The following DDAH1 variants were observed in gnomAD, a reference collection of about 807,000 sequenced individuals.
DDAH1 encodes dimethylarginine dimethylaminohydrolase 1.
In DDAH1, 19 loss-of-function variants were observed where a neutral mutation model predicts 28.8. That is an observed-to-expected ratio of 0.66 (90% CI 0.46 to 0.97). The LOEUF is 0.97. Among genes scored for constraint, DDAH1 ranks in the 50% least tolerant of loss-of-function variants. DDAH1 has a pLI of 0.00. For missense variants in DDAH1, 326 were observed against 375.9 expected (o/e 0.87, Z 1.10); for synonymous variants, 153 against 154.4 (o/e 0.99, Z 0.07).
At chr1:85,355,201 T>A (rs1649429915) in intron 2 of DDAH1, among the ~76,000 whole-genome samples, 1 of 151,968 alleles carries the variant, frequency 6.6e-6, no homozygotes, top group Non-Finnish European at 1.5e-5. Flanking sequence ...CTCAGGAAAA[T>A]CTAAATTGTC....
At chr1:85,472,639 T>C (rs1655654427) in intron 2 of DDAH1, among the ~76,000 whole-genome samples, 1 of 152,220 alleles carries the variant, frequency 6.6e-6, no homozygotes, top group South Asian at 2.1e-4. Flanking sequence ...AAATATCCTG[T>C]AAAGTTCAAA....
intron 1 of DDAH1, among the ~76,000 whole-genome samples, chr1:85,527,912 C>T (rs117021403): frequency 0.036 from 5,502 of 152,030 alleles, 156 homozygotes; most frequent in South Asian, 0.1. Flanking sequence ...TATGCATGTA[C>T]GTATACACAT....
chr1:85,361,039 A>G (rs975064645), intron 1 of DDAH1, among the ~76,000 whole-genome samples: 2 of 152,228 alleles, frequency 1.3e-5, no homozygotes, highest in Non-Finnish European at 2.9e-5. Flanking sequence ...TGTAAATATC[A>G]AGTAAACAGT....
At chr1:85,465,213 G>A, upstream of DDAH1, 6 of 1,121,208 alleles carry the variant, frequency 5.4e-6, no homozygotes, top group Non-Finnish European at 5.4e-6. Context: ...GACTGAGCAT[G>A]CCCAGAGCTC....
chr1:85,386,125 A>G (rs925493932), intron 1 of DDAH1, among the ~76,000 whole-genome samples: 6 of 152,202 alleles, frequency 3.9e-5, no homozygotes, highest in African/African-American at 1.4e-4. Context: ...CAAAGTATGT[A>G]ATCCTTTCCC....
chr1:85,355,074 T>C lies in DDAH1; in HGVS notation c.404-3495A>G, dbSNP rs545354629. On this transcript the variant is annotated intron_variant, in intron 2 of 5. Transcript: ENST00000284031. Reference sequence around the variant, plus strand: ...TAACATTACCAATGAAAAGATAATATAGCTATAGTTGCTGTGAAGCTTAAA... The same window carrying C: ...TAACATTACCAATGAAAAGATAATACAGCTATAGTTGCTGTGAAGCTTAAA... 8.3e-4 allele frequency among the ~76,000 whole-genome samples: 127 copies of C among 152,214 alleles called. 1 individual carries two copies. The Middle Eastern group carries it at 0.01, about 12-fold the overall frequency.
intron 1 of DDAH1, among the ~76,000 whole-genome samples, chr1:85,541,190 G>C (rs1658461821): frequency 6.6e-6 from 1 of 152,158 alleles, no homozygotes; most frequent in Non-Finnish European, 1.5e-5. Flanking sequence ...AGTCACAACT[G>C]ATGGGCCTGC....
Position 85,465,075 on chromosome 1 carries a change from C to T in DDAH1, c.-30G>A. On this transcript the variant is annotated 5_prime_UTR_variant, in exon 1 of 6. Coordinates refer to ENST00000284031, the MANE Select transcript of DDAH1 (RefSeq NM_012137.4). ...TCGGGAGGCTTAGGGGCGGCGGCGG[C>T]GGCGGAGGCGGCCGGGTCCTGCCGC... 1 of 1,220,502 alleles carries T rather than the reference C, an allele frequency of 8.2e-7. No individual in the cohort carries two copies. Among genetic ancestry groups the T allele is most frequent in the Admixed American group, 4.4e-5 (1 of 22,960 alleles). The allele number at this position is 1,220,502 out of a possible 1,614,324, so 75.6% of individuals were successfully genotyped here.
chr1:85,347,605 G>A (rs548777549), intron 4 of DDAH1, among the ~76,000 whole-genome samples: 4 of 152,170 alleles, frequency 2.6e-5, no homozygotes, highest in South Asian at 4.2e-4. Flanking sequence ...ATCACACACC[G>A]GGGCCTGTCG....
At chr1:85,421,075 C>T (rs1326655107) in intron 1 of DDAH1, among the ~76,000 whole-genome samples, 2 of 152,000 alleles carry the variant, frequency 1.3e-5, no homozygotes, top group East Asian at 3.9e-4. Flanking sequence ...ACAACCATAT[C>T]TTGTGAGAAC....
chr1:85,389,242 CA>C (rs1188292423), intron 1 of DDAH1, among the ~76,000 whole-genome samples: 3 of 151,864 alleles, frequency 2.0e-5, no homozygotes, highest in South Asian at 2.1e-4. Context: ...TCAAAACAAA[CA>C]AACAAACAAA....
chr1:85,568,860 G>A (rs17127900), intron 1 of DDAH1, among the ~76,000 whole-genome samples: 3,063 of 152,278 alleles, frequency 0.02, 111 homozygotes, highest in African/African-American at 0.07. Flanking sequence ...CCAGTGTGGG[G>A]CAGTGTTCAG....
At position 85,321,373 on chromosome 1, in the gene DDAH1, A is replaced by G. The variant is rs1661332978; in HGVS notation, c.*79T>C. ...AGCACAGTGGCACAGTAGATTGTCA[A>G]GGAAAACAACAGGAGTGGGCACAGA... On this transcript the variant is annotated 3_prime_UTR_variant, in exon 6 of 6. Coordinates refer to ENST00000284031, the MANE Select transcript of DDAH1 (RefSeq NM_012137.4). 1.1e-5 allele frequency: 10 copies of G among 901,808 alleles called. No homozygotes were observed. Among genetic ancestry groups the G allele is most frequent in the Admixed American group, 3.7e-5 (2 of 54,124 alleles). 55.9% of individuals were successfully genotyped at this position (901,808 alleles called of 1,614,324 possible).
At chr1:85,389,264 C>T (rs1651425547) in intron 1 of DDAH1, among the ~76,000 whole-genome samples, 1 of 152,040 alleles carries the variant, frequency 6.6e-6, no homozygotes, top group Admixed American at 6.6e-5. Flanking sequence ...CAAAAACAAA[C>T]TGGAAAAAAT....
intron 1 of DDAH1, among the ~76,000 whole-genome samples, chr1:85,576,134 A>G (rs1452767053): frequency 6.6e-6 from 1 of 152,160 alleles, no homozygotes; most frequent in Non-Finnish European, 1.5e-5. Context: ...ACCTGCTTCA[A>G]TGGGGCATCT....
upstream of DDAH1, among the ~76,000 whole-genome samples, chr1:85,467,855 G>A (rs1291560531): frequency 6.6e-6 from 1 of 152,204 alleles, no homozygotes; most frequent in Non-Finnish European, 1.5e-5. Context: ...TCCTTACCTT[G>A]AAGAGCTCAC....
At chr1:85,576,934 GC>G (rs1659625355) in intron 1 of DDAH1, 1 of 152,982 alleles carries the variant, frequency 6.5e-6, no homozygotes, top group Non-Finnish European at 1.5e-5. Context: ...CCGCAAGCCT[GC>G]CAGGCCGGGT....
chr1:85,453,929 C>T (rs1335385707), intron 1 of DDAH1, among the ~76,000 whole-genome samples: 4 of 152,156 alleles, frequency 2.6e-5, no homozygotes, highest in Non-Finnish European at 5.9e-5. Flanking sequence ...TATTTGAACA[C>T]ATGCTGGGGT....
At chr1:85,438,418 T>C (rs1654036737) in intron 1 of DDAH1, among the ~76,000 whole-genome samples, 1 of 152,228 alleles carries the variant, frequency 6.6e-6, no homozygotes, top group Non-Finnish European at 1.5e-5. Flanking sequence ...GGGTGAAATT[T>C]GCTCAAGAAT....
Sources: gnomAD v4.1 joint callset for allele counts (sites outside exome capture counted in the v4.1 genomes callset) on GRCh38, gnomAD v4.1.1 for gene constraint, MANE v1.5 for transcripts, NCBI Gene and HGNC (gene_info 2026-07-23, HGNC 2026-07-21) for gene names.